Variants in OGA observed in about 807,000 individuals in gnomAD.
OGA encodes protein O-GlcNAcase.
A neutral mutation model predicts 102.0 loss-of-function variants in OGA; 21 were observed. That is an observed-to-expected ratio of 0.21 (90% CI 0.15 to 0.30). The LOEUF is 0.30. OGA is among the 10% of genes least tolerant of loss of function. The pLI is 1.00. For missense variants in OGA, 765 were observed against 1,107.8 expected, an observed-to-expected ratio of 0.69 and a Z score of 4.39; for synonymous variants, 408 against 378.2, an observed-to-expected ratio of 1.08 and a Z score of -0.91.
Position 101,798,944 on chromosome 10 carries a change from G to GT in OGA, c.1706dup (p.Tyr569Ter), listed in dbSNP as rs1564643683. 1 of 1,614,024 alleles carries GT rather than the reference G, an allele frequency of 6.2e-7. No homozygotes were observed. Among genetic ancestry groups the GT allele is most frequent in the Admixed American group, 1.7e-5 (1 of 60,016 alleles). The change falls in exon 9 of 16, where the codon TAC becomes TAAC. Residue 569 changes from tyrosine to a stop codon, truncating the protein, a stop_gained and frameshift_variant. Transcript: ENST00000361464. LOFTEE classifies it high-confidence loss of function. ...TCTGTGCTCCTTTGGGTCCATGCTC[G>GT]TAAGGAAGGTAGAATAGATCAGCAA... ...QLLADLFYLP[Y>*]EHGPKGAQML...
At chr10:101,810,135 T>C (rs1332922061) in intron 4 of OGA, 49 bp downstream of exon 4, 10 of 1,501,336 alleles carry the variant, frequency 6.7e-6, no homozygotes, top group Admixed American at 2.1e-5. Flanking sequence ...AGTAAACTTC[T>C]AGTTTCAAGT....
At chr10:101,814,189 T>C (rs1431926711) in intron 1 of OGA, among the ~76,000 whole-genome samples, 1 of 151,976 alleles carries the variant, frequency 6.6e-6, no homozygotes, top group African/African-American at 2.4e-5. Flanking sequence ...ATTAGCCAGG[T>C]ATGGTGGCAA....
intron 7 of OGA, among the ~76,000 whole-genome samples, chr10:101,801,763 T>C (rs942294353): frequency 2.6e-5 from 4 of 152,166 alleles, no homozygotes; most frequent in African/African-American, 4.8e-5. Context: ...AGGTATGGAA[T>C]TGAGAAACAG....
At chr10:101,817,592 GC>G (rs1382063561) in intron 1 of OGA, among the ~76,000 whole-genome samples, 2 of 152,138 alleles carry the variant, frequency 1.3e-5, no homozygotes, top group African/African-American at 4.8e-5. Context: ...CTGGCTCCAA[GC>G]CCAAGACGGG....
Position 101,786,511 on chromosome 10 carries a change from A to G in OGA, c.2691T>C (p.Phe897=), listed in dbSNP as rs1423530102. 1.9e-6 allele frequency: 3 copies of G among 1,612,734 alleles called. No individual in the cohort carries two copies. The highest frequency in any genetic ancestry group is 2.2e-5 in the South Asian group (2 of 90,538). Residue 897 remains phenylalanine, a synonymous_variant, in exon 16 of 16, where the codon TTT becomes TTC. Transcript: ENST00000361464. ...GAAATCCTTCCATTTTTGCAATTTC[A>G]AAACATCCTAACTTGCTGTAAAATT... is the stretch of plus-strand genomic sequence containing the variant. ...ILEFYSKLGC[F]EIAKMEGFPK...
chr10:101,802,724 T>A (rs1299885660), intron 7 of OGA, among the ~76,000 whole-genome samples: 1 of 151,610 alleles, frequency 6.6e-6, no homozygotes, highest in African/African-American at 2.4e-5. Context: ...CCCATGAACA[T>A]GCATCTGCCC....
In OGA at chr10:101,785,732, A is replaced by C. The variant is rs559345016; in HGVS notation, c.*719T>G. ...ACCCTTTCATTTATAGAGGAAAAAA[A>C]TTTACAAAAACAGTAAACACAAAGG... On this transcript the variant is annotated 3_prime_UTR_variant, in exon 16 of 16. Transcript: ENST00000361464. The C allele has an allele frequency of 6.5e-6, 1 of 152,674 alleles. No homozygotes were observed. The highest frequency in any genetic ancestry group is 2.1e-4 in the South Asian group (1 of 4,834). The allele number at this position is 152,674 out of a possible 1,614,324, so 9.5% of individuals were successfully genotyped here.
intron 5 of OGA, among the ~76,000 whole-genome samples, chr10:101,806,663 T>C (rs1183290373): frequency 6.6e-6 from 1 of 152,194 alleles, no homozygotes; most frequent in Non-Finnish European, 1.5e-5. Flanking sequence ...ACAAGTTTAC[T>C]AAAAAAACAA....
intron 7 of OGA, among the ~76,000 whole-genome samples, chr10:101,803,077 G>A (rs2065415860): frequency 6.7e-6 from 1 of 149,750 alleles, no homozygotes; most frequent in African/African-American, 2.5e-5. Context: ...GGAAGCAGAG[G>A]TTGCAGCGAG....
At chr10:101,795,317 C>T (rs1024621651) in intron 10 of OGA, among the ~76,000 whole-genome samples, 3 of 152,170 alleles carry the variant, frequency 2.0e-5, no homozygotes, top group Non-Finnish European at 4.4e-5. Context: ...ATGCCTCAGT[C>T]GCTGCGCAAA....
chr10:101,815,902 A>G (rs943734586), intron 1 of OGA, among the ~76,000 whole-genome samples: 2 of 144,642 alleles, frequency 1.4e-5, no homozygotes, highest in African/African-American at 2.5e-5. Flanking sequence ...AGCAGTAACT[A>G]TAGTATTTCT....
At position 101,807,750 on chromosome 10, in the gene OGA, G is replaced by A. The variant is rs2065494802; in HGVS notation, c.632C>T (p.Thr211Ile). The part of the protein sequence containing the change: ...EIYQYLGEPE[T>I]FLFCPTEYCG... ...AATACCTGTGGGACAGAAGAGGAAA[G>A]TTTCTGGCTCTCCTAGGTACTGATA... The change falls in exon 5 of 16, where the codon ACT (threonine) becomes ATT (isoleucine). Residue 211 changes from threonine to isoleucine, a missense_variant. Thr to Ile is a moderately conservative substitution (Grantham distance 89). Transcript: ENST00000361464. The A allele has an allele frequency of 6.3e-7, 1 of 1,599,632 alleles. No individual in the cohort carries two copies. Among genetic ancestry groups the A allele is most frequent in the African/African-American group, 1.4e-5 (1 of 73,998 alleles).
chr10:101,791,621 C>CA (rs1415843525), intron 12 of OGA, among the ~76,000 whole-genome samples, 182 bp from the exon 13 acceptor site: 2 of 152,172 alleles, frequency 1.3e-5, no homozygotes, highest in East Asian at 3.9e-4. Context: ...GTAAAACCAG[C>CA]AAAAAACAGC....
intron 6 of OGA, 146 bp from the exon 7 acceptor site, chr10:101,804,165 G>A (rs949724383): frequency 6.2e-5 from 29 of 466,710 alleles, no homozygotes; most frequent in African/African-American, 4.6e-4. Context: ...GCAACACAGC[G>A]AGACCCTATC....
intron 6 of OGA, among the ~76,000 whole-genome samples, chr10:101,804,862 A>G (rs1169455594): frequency 6.6e-6 from 1 of 152,026 alleles, no homozygotes; most frequent in Non-Finnish European, 1.5e-5. Context: ...CTCCCACAGC[A>G]CTGGGATTAC....
intron 15 of OGA, 142 bp downstream of exon 15, chr10:101,787,222 C>A (rs1554836107): frequency 4.5e-6 from 4 of 892,944 alleles, no homozygotes; most frequent in Non-Finnish European, 6.6e-6. Flanking sequence ...TTCTTCACCA[C>A]TAATTAATTC....
In OGA at chr10:101,799,196, A is replaced by C; in HGVS notation, c.1455T>G (p.Ser485Arg). ...CTGCCATTTTCGCTTCAACAATTTC[A>C]CTCAGTATTTGATTGTCATTCTTGT... Reference protein sequence around the residue: ...TDHKNDNQILSEIVEAKMAEE... With the variant: ...TDHKNDNQILREIVEAKMAEE... Residue 485 changes from serine to arginine, a missense_variant, in exon 9 of 16, where the codon AGT (serine) becomes AGG (arginine). Transcript: ENST00000361464. 2 of 1,613,796 alleles carry C rather than the reference A, an allele frequency of 1.2e-6. No homozygotes were observed. Among genetic ancestry groups the C allele is most frequent in the Non-Finnish European group, 1.7e-6 (2 of 1,179,932 alleles).
At chr10:101,787,673 C>T in intron 14 of OGA, 150 bp from the exon 15 acceptor site, 1 of 669,008 alleles carries the variant, frequency 1.5e-6, no homozygotes, top group Non-Finnish European at 2.4e-6. Flanking sequence ...ATAATTCTAG[C>T]TGAAGCATTT....
rs753692571 is a variant in OGA, at chr10:101,810,274, C to G, written c.390G>C (p.Glu130Asp). The G allele has an allele frequency of 3.1e-6, 5 of 1,612,242 alleles. No individual in the cohort carries two copies. In the African/African-American group the frequency reaches 6.7e-5, roughly 22 times the overall value. The change falls in exon 4 of 16, where the codon GAG (glutamate) becomes GAC (aspartate). Residue 130 changes from glutamate (E) to aspartate (D), a missense_variant. By Grantham distance (45) the Glu-to-Asp change is conservative. Around this residue, in one of 7 missense-constraint regions of OGA, gnomAD observed 165 missense variants for 249.7 expected, o/e 0.66. Transcript: ENST00000361464. ...MTLISAAREY[E>D]IEFIYAISPG... is the part of the protein sequence containing the mutation. ...GTGAGATCGCATAGATGAACTCTAT[C>G]TCATATTCTCGTGCAGCAGAGATGA...
Sources: allele counts gnomAD v4.1 joint callset (sites outside exome capture counted in the v4.1 genomes callset), GRCh38; gene constraint gnomAD v4.1.1; regional missense constraint gnomAD v4.1.1; transcripts MANE v1.5; gene names NCBI Gene and HGNC (gene_info 2026-07-23, HGNC 2026-07-21).